CDK14: variants seen among roughly 807,000 people sequenced by gnomAD.
CDK14 encodes the protein cyclin dependent kinase 14, also known as cyclin-dependent kinase 14.
A neutral mutation model predicts 60.7 loss-of-function variants in CDK14; 34 were observed. That is an observed-to-expected ratio of 0.56 (90% confidence interval 0.43 to 0.75). The LOEUF is 0.75. CDK14 is among the 30% of genes least tolerant of loss of function. The probability of loss-of-function intolerance (pLI) is 0.00; values close to 1 mark genes in which losing one functional copy is unlikely to be tolerated. For missense variants in CDK14, 482 were observed against 564.1 expected (o/e 0.85, Z 1.47); for synonymous variants, 197 against 203.7 (o/e 0.97, Z 0.28).
intron 5 of CDK14, among the ~76,000 whole-genome samples, chr7:90,859,151 A>G (rs1229295906): frequency 2.0e-5 from 3 of 152,248 alleles, no homozygotes; most frequent in Non-Finnish European, 4.4e-5. Context: ...CTGGGAATAT[A>G]CATTGTTGCT....
At chr7:90,856,328 G>A (rs1790815584) in intron 5 of CDK14, among the ~76,000 whole-genome samples, 1 of 152,100 alleles carries the variant, frequency 6.6e-6, no homozygotes, top group Admixed American at 6.5e-5. Context: ...AGAATAAAAA[G>A]CAAATATGGG....
intron 14 of CDK14, among the ~76,000 whole-genome samples, chr7:91,198,400 A>G (rs1025436135): frequency 1.3e-5 from 2 of 152,216 alleles, no homozygotes; most frequent in Admixed American, 6.5e-5. Context: ...AGGCTGCCCA[A>G]TTTTGGATGC....
chr7:90,623,120 T>C (rs1194448929), intron 2 of CDK14, among the ~76,000 whole-genome samples: 1 of 151,910 alleles, frequency 6.6e-6, no homozygotes, highest in African/African-American at 2.4e-5. Flanking sequence ...TTTAAAATTT[T>C]TGTTGTCTTT....
chr7:90,615,477 C>T (rs1317061238), intron 2 of CDK14, among the ~76,000 whole-genome samples: 1 of 152,176 alleles, frequency 6.6e-6, no homozygotes, highest in East Asian at 1.9e-4. Context: ...ATCTCGAACA[C>T]GTTATAACTC....
intron 2 of CDK14, among the ~76,000 whole-genome samples, chr7:90,649,368 T>C (rs867618138): frequency 4.6e-4 from 15 of 32,634 alleles, no homozygotes; most frequent in African/African-American, 5.8e-4. Flanking sequence ...TTCCTTCCTT[T>C]CCTTCCTTCC....
At chr7:90,659,447 T>C (rs17623087) in intron 2 of CDK14, among the ~76,000 whole-genome samples, 4,400 of 152,290 alleles carry the variant, frequency 0.029, 103 homozygotes, top group Non-Finnish European at 0.042. Flanking sequence ...AGCTTCTTTT[T>C]GTTCAATAAA....
In CDK14 at chr7:90,744,910, T is replaced by C. The variant is rs770503241; in HGVS notation, c.370-2771T>C. Among the ~76,000 whole-genome samples the C allele has an allele frequency of 1.7e-4, 26 of 152,266 alleles. No individual in the cohort carries two copies. In the Middle Eastern group the frequency reaches 0.014, roughly 80 times the overall value. ...CGGGCAGAGGGGCTCCTCAACTTTA[T>C]TCTTATTTTATAAAATTTTACTTAG... On this transcript the variant is annotated intron_variant, in intron 3 of 14. Transcript: ENST00000380050.
chr7:91,017,509 T>G (rs1452138954), intron 10 of CDK14, among the ~76,000 whole-genome samples: 2 of 152,230 alleles, frequency 1.3e-5, no homozygotes, highest in South Asian at 4.1e-4. Flanking sequence ...AGATGAACTC[T>G]TTTAAAACAA....
At chr7:90,806,665 G>A (rs1007239063) in intron 5 of CDK14, among the ~76,000 whole-genome samples, 2 of 152,188 alleles carry the variant, frequency 1.3e-5, no homozygotes, top group African/African-American at 2.4e-5. Flanking sequence ...AAATCAGGGC[G>A]AGGCATCGCC....
chr7:91,106,928 G>A (rs1384026369), intron 12 of CDK14, among the ~76,000 whole-genome samples: 2 of 152,282 alleles, frequency 1.3e-5, no homozygotes, highest in South Asian at 2.1e-4. Context: ...TGACTTCTGT[G>A]CAAACAGGTG....
chr7:90,900,716 A>G (rs1424798516), intron 7 of CDK14, among the ~76,000 whole-genome samples: 1 of 152,174 alleles, frequency 6.6e-6, no homozygotes, highest in African/African-American at 2.4e-5. Flanking sequence ...GGAAATGAGC[A>G]GATCCTCTGA....
intron 2 of CDK14, among the ~76,000 whole-genome samples, chr7:90,721,541 T>A (rs1035435103): frequency 2.0e-5 from 3 of 152,188 alleles, no homozygotes; most frequent in Non-Finnish European, 4.4e-5. Context: ...CCTGACATTT[T>A]TGAAAGGATG....
At chr7:91,107,814 G>A (rs1297693522) in intron 12 of CDK14, 1 of 152,222 alleles carries the variant, frequency 6.6e-6, no homozygotes, top group Non-Finnish European at 1.5e-5. Flanking sequence ...GCTACCTGAT[G>A]CAATTGCTTT....
At chr7:90,801,829 A>C (rs1788644465) in intron 5 of CDK14, among the ~76,000 whole-genome samples, 1 of 152,184 alleles carries the variant, frequency 6.6e-6, no homozygotes. Flanking sequence ...TAAGTATATA[A>C]TCATCTTTGG....
At chr7:91,001,356 G>T (rs1465386688) in intron 10 of CDK14, among the ~76,000 whole-genome samples, 1 of 152,150 alleles carries the variant, frequency 6.6e-6, no homozygotes, top group Non-Finnish European at 1.5e-5. Context: ...TCCTGCTACT[G>T]ACTCTCAGAA....
intron 5 of CDK14, among the ~76,000 whole-genome samples, chr7:90,795,146 T>C (rs867524956): frequency 2.4e-4 from 37 of 152,330 alleles, no homozygotes; most frequent in Admixed American, 4.6e-4. Context: ...ATTTAATATA[T>C]ACCAAACTAT....
chr7:91,158,593 T>C (rs1293169623), intron 14 of CDK14, among the ~76,000 whole-genome samples: 1 of 152,190 alleles, frequency 6.6e-6, no homozygotes, highest in Admixed American at 6.5e-5. Flanking sequence ...TTTAATGGAA[T>C]ATGAAATATT....
rs543353165 is a variant in CDK14 at position 91,100,952 on chromosome 7, G to A, written c.1155-11590G>A. Among the ~76,000 whole-genome samples, 35 of 152,292 alleles carry A rather than the reference G, an allele frequency of 2.3e-4. No individual in the cohort carries two copies. In the South Asian group the frequency reaches 6.2e-3, roughly 27 times the overall value. On this transcript the variant is annotated intron_variant, in intron 12 of 14. Coordinates refer to ENST00000380050, the MANE Select transcript of CDK14 (RefSeq NM_001287135.2). ...TAGAGTTGACTGCAAGGGCAGCTGT[G>A]TATTGAGTAAGGGTTAGATCTGATG... is the stretch of plus-strand genomic sequence containing the variant.
intron 3 of CDK14, among the ~76,000 whole-genome samples, chr7:90,736,469 G>T (rs1235923204): frequency 6.8e-6 from 1 of 146,112 alleles, no homozygotes; most frequent in African/African-American, 2.5e-5. Flanking sequence ...CCCTGCAGCA[G>T]TGTAAAGATT....
Sources: gnomAD v4.1 joint callset for allele counts (sites outside exome capture counted in the v4.1 genomes callset) on GRCh38, gnomAD v4.1.1 for gene constraint, MANE v1.5 for transcripts, NCBI Gene and HGNC (gene_info 2026-07-23, HGNC 2026-07-21) for gene names.